Variants in COL18A1 observed in about 807,000 individuals in gnomAD.
COL18A1 encodes the protein collagen alpha-1(XVIII) chain.
A neutral mutation model predicts 168.0 loss-of-function variants in COL18A1; 133 were observed. The ratio of observed to expected loss-of-function variants is 0.79; its 90% CI spans 0.69 to 0.91. The LOEUF is 0.91. COL18A1 is among the 40% of genes least tolerant of loss of function. The pLI is 0.00. For missense variants in COL18A1, 2,126 were observed against 1,925.4 expected, an observed-to-expected ratio of 1.10 and a Z score of -1.95; for synonymous variants, 949 against 809.0, an observed-to-expected ratio of 1.17 and a Z score of -2.94.
chr21:45,495,947 C>T, intron 29 of COL18A1: 1 of 328,330 alleles, frequency 3.0e-6, no homozygotes, highest in Non-Finnish European at 6.0e-6. Flanking sequence ...CACATGTATA[C>T]TCATGCACAC....
chr21:45,507,632 A>C (rs1433480840), intron 38 of COL18A1, 39 bp downstream of exon 38: 1 of 1,594,884 alleles, frequency 6.3e-7, no homozygotes, highest in Non-Finnish European at 8.6e-7. Context: ...GTGGGTGGTC[A>C]GGACATGAGG....
rs1040448948 is a variant in COL18A1 at position 45,423,772 on chromosome 21, G to A, written c.106+18299G>A. The A allele has an allele frequency of 6.6e-6, 1 of 152,350 alleles. No homozygotes were observed. The highest frequency in any genetic ancestry group is 1.5e-5 in the Non-Finnish European group (1 of 68,122). The allele number at this position is 152,350 out of a possible 1,614,324, so 9.4% of individuals were successfully genotyped here. On this transcript the variant is annotated intron_variant, in intron 2 of 41. Transcript: ENST00000651438. The surrounding 1 kb of genome is among the most constrained non-coding windows in gnomAD (Gnocchi z 4.0). ...CTCCCTGAGTGCATTGCCCATACCG[G>A]GTGGAGGCAGTTCCGTCCTGCAGAC...
intron 40 of COL18A1, among the ~76,000 whole-genome samples, chr21:45,510,816 G>C (rs974365945): frequency 9.2e-5 from 14 of 152,226 alleles, no homozygotes; most frequent in Admixed American, 9.1e-4. Flanking sequence ...TAGGGGACAG[G>C]GTCCCCTGCC....
chr21:45,505,181 T>C lies in COL18A1; in HGVS notation c.2916T>C (p.Pro972=), dbSNP rs755457459. Reference sequence around the variant, plus strand: ...GGGGCCAGCCCGGCCCACCTGGACCTCAGGGACCCCCCGGCATCGGCTACG... The same window carrying C: ...GGGGCCAGCCCGGCCCACCTGGACCCCAGGGACCCCCCGGCATCGGCTACG... The part of the protein sequence containing the change: ...SIRGQPGPPG[P]QGPPGIGYEG... Residue 972 remains proline, a synonymous_variant, in exon 35 of 42, where the codon CCT becomes CCC. Coordinates refer to ENST00000651438, the MANE Select transcript of COL18A1 (RefSeq NM_001379500.1). 9 of 1,606,408 alleles carry C rather than the reference T, an allele frequency of 5.6e-6. No homozygotes were observed. The East Asian group carries it at 1.6e-4, about 28-fold the overall frequency.
chr21:45,437,765 CCTGCACA>C (rs1268002781), intron 2 of COL18A1, among the ~76,000 whole-genome samples: 1 of 77,352 alleles, frequency 1.3e-5, no homozygotes, highest in African/African-American at 1.2e-4. Context: ...CAGGCACTCT[CCTGCACA>C]CACACACACT....
intron 2 of COL18A1, among the ~76,000 whole-genome samples, chr21:45,439,599 G>C (rs527741929): frequency 2.0e-5 from 3 of 146,552 alleles, no homozygotes; most frequent in Admixed American, 6.7e-5. Context: ...TGACGGAAGC[G>C]CGTCGCGCGG....
At chr21:45,506,086 T>G in intron 37 of COL18A1, 120 bp downstream of exon 37, 1 of 1,476,858 alleles carries the variant, frequency 6.8e-7, no homozygotes, top group Non-Finnish European at 9.3e-7. Flanking sequence ...CAGCCAGCGC[T>G]TCTTAAACTT....
chr21:45,483,131 A>G (rs905562594), intron 15 of COL18A1, among the ~76,000 whole-genome samples: 1 of 152,240 alleles, frequency 6.6e-6, no homozygotes, highest in Non-Finnish European at 1.5e-5. Flanking sequence ...TCCGTGTGGC[A>G]AGCGCGATAA....
chr21:45,451,777 A>G (rs1357848597), intron 2 of COL18A1, among the ~76,000 whole-genome samples: 1 of 151,986 alleles, frequency 6.6e-6, no homozygotes, highest in Non-Finnish European at 1.5e-5. Flanking sequence ...CTCCTGTGTC[A>G]CCCAGGTCCT....
intron 26 of COL18A1, chr21:45,494,248 T>TGCCCC: frequency 4.2e-6 from 2 of 472,526 alleles, no homozygotes; most frequent in Non-Finnish European, 7.7e-6. Context: ...GCACATGCCC[T>TGCCCC]CCACCCTCCA....
At chr21:45,467,157 A>C (rs1422694406) in intron 2 of COL18A1, 2 of 861,270 alleles carry the variant, frequency 2.3e-6, no homozygotes, top group Non-Finnish European at 2.8e-6. Flanking sequence ...CTGGGAAGTC[A>C]CTCTGAGCAG....
Position 45,505,257 on chromosome 21 carries a change from T to G in COL18A1, c.2992T>G (p.Phe998Val). The G allele has an allele frequency of 6.3e-7, 1 of 1,595,150 alleles. No individual in the cohort carries two copies. The highest frequency in any genetic ancestry group is 8.6e-7 in the Non-Finnish European group (1 of 1,169,126). The stretch of plus-strand genomic sequence containing the variant: ...CCCAGGCCCCCCAGGGCCCCCTTCA[T>G]TTCCTGGCCCTCACAGGCAGAGTAA... ...GPPGPPGPPS[F>V]PGPHRQTISV... Residue 998 changes from phenylalanine (F) to valine (V), a missense_variant, in exon 35 of 42, where the codon TTT (phenylalanine) becomes GTT (valine). Phe to Val is a conservative substitution (Grantham distance 50, BLOSUM62 -1). Coordinates refer to ENST00000651438, the MANE Select transcript of COL18A1 (RefSeq NM_001379500.1).
intron 2 of COL18A1, among the ~76,000 whole-genome samples, chr21:45,467,865 T>C (rs2035270035): frequency 6.6e-6 from 1 of 152,162 alleles, no homozygotes. Flanking sequence ...TTCTCCCCAC[T>C]GGCTCTGCCC....
At chr21:45,508,352 AAGTGGGTG>A (rs748951660) in intron 38 of COL18A1, among the ~76,000 whole-genome samples, 2 of 147,550 alleles carry the variant, frequency 1.4e-5, no homozygotes, top group Non-Finnish European at 3.0e-5. Context: ...GATGGTGGAC[AAGTGGGTG>A]AGTGGATGGG....
At chr21:45,441,829 C>T (rs1569291358) in intron 2 of COL18A1, among the ~76,000 whole-genome samples, 1 of 152,208 alleles carries the variant, frequency 6.6e-6, no homozygotes, top group Admixed American at 6.5e-5. Flanking sequence ...GGATGGAGCA[C>T]GCTGCTGGGA....
intron 21 of COL18A1, 121 bp downstream of exon 21, chr21:45,490,992 A>C (rs1180126329): frequency 9.8e-7 from 1 of 1,019,306 alleles, no homozygotes; most frequent in African/African-American, 1.6e-5. Context: ...ACTCAGGGCA[A>C]AGACCCTCAA....
intron 2 of COL18A1, among the ~76,000 whole-genome samples, chr21:45,430,148 G>T (rs538817783): frequency 0.034 from 4,031 of 119,084 alleles, 162 homozygotes; most frequent in African/African-American, 0.13. Context: ...TCTCGCCCTC[G>T]CCTGCATGTG....
chr21:45,405,690 G>C (rs2123484946), intron 2 of COL18A1, among the ~76,000 whole-genome samples: 1 of 150,880 alleles, frequency 6.6e-6, no homozygotes, highest in South Asian at 2.1e-4. Context: ...GGGCCGGGAG[G>C]GGTGCGCGGT....
At chr21:45,456,975 C>G (rs1324272696) in intron 2 of COL18A1, 1 of 1,040,994 alleles carries the variant, frequency 9.6e-7, no homozygotes, top group East Asian at 3.1e-5. Flanking sequence ...AGGTTCCCCC[C>G]ACATCGAATC....
Sources: gnomAD v4.1 joint callset for allele counts (sites outside exome capture counted in the v4.1 genomes callset) on GRCh38, gnomAD v4.1.1 for gene constraint, Gnocchi (gnomAD v3.1) non-coding constraint, MANE v1.5 for transcripts, NCBI Gene and HGNC (gene_info 2026-07-23, HGNC 2026-07-21) for gene names.